The following GALNT9 variants were observed in gnomAD, a reference collection of about 807,000 sequenced individuals.
GALNT9 encodes GalNAc transferase 9.
A neutral mutation model predicts 63.1 loss-of-function variants in GALNT9; 47 were observed. The ratio of observed to expected loss-of-function variants is 0.75; its 90% CI spans 0.59 to 0.95. The LOEUF is 0.95. Ranked by LOEUF, GALNT9 falls within the 40% of genes least tolerant of loss-of-function variation. The probability of loss-of-function intolerance (pLI) is 0.00; values close to 1 mark genes in which losing one functional copy is unlikely to be tolerated. For missense variants in GALNT9, 829 were observed against 874.8 expected (o/e 0.95, Z 0.66); for synonymous variants, 396 against 365.7 (o/e 1.08, Z -0.94).
chr12:132,320,144 A>T (rs1438543035), intron 1 of GALNT9, among the ~76,000 whole-genome samples: 1 of 152,250 alleles, frequency 6.6e-6, no homozygotes, highest in Non-Finnish European at 1.5e-5. Flanking sequence ...GTGTGGGTAC[A>T]ATGTGCCAGG....
intron 1 of GALNT9, among the ~76,000 whole-genome samples, chr12:132,295,923 C>T (rs61943958): frequency 4.4e-5 from 2 of 44,988 alleles, no homozygotes; most frequent in African/African-American, 3.3e-4. Context: ...CGAACAGGGA[C>T]GGCCTCCGAA....
In GALNT9 at chr12:132,238,361, C is replaced by T. The variant is rs2136895997; in HGVS notation, c.1077+9549G>A. ...CTGGATGGGGGGCTTCAGGAGGGGCCGGGCAGGGGGACGTGGAGACGGCGC... is the reference window on the plus strand; with the variant it reads ...CTGGATGGGGGGCTTCAGGAGGGGCTGGGCAGGGGGACGTGGAGACGGCGC... On this transcript the variant is annotated intron_variant, in intron 6 of 10. Transcript: ENST00000328957. The surrounding 1 kb of genome is among the most constrained non-coding windows in gnomAD (Gnocchi z 6.5). 1.3e-5 allele frequency among the ~76,000 whole-genome samples: 2 copies of T among 151,040 alleles called. No homozygotes were observed. Among genetic ancestry groups the T allele is most frequent in the African/African-American group, 4.9e-5 (2 of 41,020 alleles).
intron 5 of GALNT9, 27 bp downstream of exon 5, chr12:132,257,662 C>A: frequency 3.9e-6 from 6 of 1,528,776 alleles, no homozygotes; most frequent in Non-Finnish European, 5.3e-6. Flanking sequence ...GGCAGGGCCG[C>A]CCTCGACCCC....
intron 6 of GALNT9, among the ~76,000 whole-genome samples, chr12:132,243,261 TAC>T (rs1878522558): frequency 7.9e-6 from 1 of 126,252 alleles, no homozygotes; most frequent in Non-Finnish European, 1.6e-5. Context: ...GCCCTCCCTA[TAC>T]CCATTACACA....
At chr12:132,312,590 G>T (rs1410282979) in intron 1 of GALNT9, among the ~76,000 whole-genome samples, 1 of 152,176 alleles carries the variant, frequency 6.6e-6, no homozygotes, top group African/African-American at 2.4e-5. Context: ...CTCAAATCCT[G>T]ACTCTGGAAT....
intron 6 of GALNT9, among the ~76,000 whole-genome samples, chr12:132,223,293 G>T (rs1415556607): frequency 7.7e-5 from 2 of 26,010 alleles, no homozygotes; most frequent in Non-Finnish European, 7.6e-5. Context: ...ACCCCACACA[G>T]ACACCCCACA....
intron 6 of GALNT9, chr12:132,205,809 G>GAC (rs1387732533): frequency 6.6e-6 from 1 of 152,136 alleles, no homozygotes; most frequent in Non-Finnish European, 1.5e-5. Flanking sequence ...ATTTCTGTTC[G>GAC]CAGCGGGAAG....
chr12:132,299,548 A>G (rs1555243636), intron 1 of GALNT9, among the ~76,000 whole-genome samples: 2 of 127,682 alleles, frequency 1.6e-5, no homozygotes, highest in African/African-American at 3.0e-5. Context: ...TCCCTGAGAT[A>G]ACTAAGCCAC....
intron 1 of GALNT9, among the ~76,000 whole-genome samples, chr12:132,314,955 G>A (rs564670584): frequency 7.2e-5 from 11 of 152,298 alleles, no homozygotes; most frequent in Middle Eastern, 3.4e-3. Flanking sequence ...CTTATCAAGC[G>A]CGACCGGGTG....
At chr12:132,287,057 GCGCC>G (rs1880621795) in intron 1 of GALNT9, among the ~76,000 whole-genome samples, 1 of 72,164 alleles carries the variant, frequency 1.4e-5, no homozygotes. Flanking sequence ...CACTGAGTGA[GCGCC>G]CCCCCCCCCC....
rs182955205 is a variant in GALNT9, at chr12:132,310,135, C to T, written c.238+18831G>A. 4.2e-4 allele frequency among the ~76,000 whole-genome samples: 64 copies of T among 152,362 alleles called. No individual in the cohort carries two copies. Among genetic ancestry groups the T allele is most frequent in the African/African-American group, 1.4e-3 (60 of 41,584 alleles). On this transcript the variant is annotated intron_variant, in intron 1 of 10. Coordinates refer to ENST00000328957, the MANE Select transcript of GALNT9 (RefSeq NM_001122636.2). The surrounding 1 kb of genome is among the most constrained non-coding windows in gnomAD (Gnocchi z 4.8). ...GTGCCTGGAACCAGGACTCAATGCT[C>T]GGGGCTGGAGCAGCCAATGTGTGAC...
At chr12:132,271,066 G>C (rs894748472) in intron 2 of GALNT9, among the ~76,000 whole-genome samples, 9 of 152,180 alleles carry the variant, frequency 5.9e-5, no homozygotes, top group African/African-American at 2.2e-4. Context: ...GCCGTCCGCT[G>C]CTTCTCCATG....
At chr12:132,323,449 C>G (rs935305527) in intron 1 of GALNT9, among the ~76,000 whole-genome samples, 2 of 152,224 alleles carry the variant, frequency 1.3e-5, no homozygotes, top group African/African-American at 4.8e-5. Context: ...CTCAAAGGGG[C>G]AGGTCTGCAC....
intron 6 of GALNT9, among the ~76,000 whole-genome samples, chr12:132,228,793 T>A (rs920479301): frequency 6.6e-6 from 1 of 152,204 alleles, no homozygotes; most frequent in Non-Finnish European, 1.5e-5. Context: ...CTGGCCCGAC[T>A]CTCACACTTG....
At chr12:132,212,014 C>G (rs573350216) in intron 6 of GALNT9, among the ~76,000 whole-genome samples, 7 of 152,362 alleles carry the variant, frequency 4.6e-5, no homozygotes, top group African/African-American at 1.7e-4. Flanking sequence ...TCAGTGGACA[C>G]TCCGCATGGC....
At chr12:132,256,101 C>T (rs963081258) in intron 5 of GALNT9, among the ~76,000 whole-genome samples, 4 of 152,164 alleles carry the variant, frequency 2.6e-5, no homozygotes, top group African/African-American at 7.2e-5. Flanking sequence ...TGAAATGCAT[C>T]CATGTGATCT....
rs1256055394 is a variant in GALNT9, at chr12:132,286,707, T to A, written c.239-277A>T. Among the ~76,000 whole-genome samples, 2 of 152,080 alleles carry A rather than the reference T, an allele frequency of 1.3e-5. No homozygotes were observed. The highest frequency in any genetic ancestry group is 1.5e-5 in the Non-Finnish European group (1 of 68,010). Reference sequence around the variant, plus strand: ...CTCTGTGTGATGCTGCAATGGTGGATATCTGTTATTATTATGTATTTTTTG... The same window carrying A: ...CTCTGTGTGATGCTGCAATGGTGGAAATCTGTTATTATTATGTATTTTTTG... On this transcript the variant is annotated intron_variant, in intron 1 of 10. Transcript: ENST00000328957. The surrounding 1 kb of genome is among the most constrained non-coding windows in gnomAD (Gnocchi z 7.4).
rs1868516021 is a variant in GALNT9 at position 132,316,500 on chromosome 12, C to T, written c.238+12466G>A. Among the ~76,000 whole-genome samples, 1 of 152,090 alleles carries T rather than the reference C, an allele frequency of 6.6e-6. No homozygotes were observed. Among genetic ancestry groups the T allele is most frequent in the Admixed American group, 6.5e-5 (1 of 15,278 alleles). On this transcript the variant is annotated intron_variant, in intron 1 of 10. Transcript: ENST00000328957. The surrounding 1 kb of genome is among the most constrained non-coding windows in gnomAD (Gnocchi z 4.3). ...CCTTGCTTCCTTCCTCCCTGGGAAA[C>T]GGAGAATCAGGAGCACCCGAGCTTC...
intron 6 of GALNT9, among the ~76,000 whole-genome samples, chr12:132,215,458 G>A (rs547771023): frequency 6.6e-6 from 1 of 152,340 alleles, no homozygotes; most frequent in African/African-American, 2.4e-5. Flanking sequence ...TGCTGGCCTC[G>A]ACGGAGAGCA....
Sources: allele counts gnomAD v4.1 joint callset (sites outside exome capture counted in the v4.1 genomes callset), GRCh38; gene constraint gnomAD v4.1.1; non-coding constraint Gnocchi (gnomAD v3.1); transcripts MANE v1.5; gene names NCBI Gene and HGNC (gene_info 2026-07-23, HGNC 2026-07-21).